The following TTC21B variants were observed in gnomAD, a reference collection of about 807,000 sequenced individuals.
The protein encoded by TTC21B is tetratricopeptide repeat domain 21B.
A neutral mutation model predicts 175.1 loss-of-function variants in TTC21B; 127 were observed. The observed-to-expected ratio is 0.73, with a 90% CI of 0.63 to 0.84. The LOEUF is 0.84. Ranked by LOEUF, TTC21B falls within the 40% of genes least tolerant of loss-of-function variation. The pLI, the probability that TTC21B is intolerant of heterozygous loss-of-function variation, is 0.00. For missense variants in TTC21B, 1,561 were observed against 1,558.3 expected, an observed-to-expected ratio of 1.00 and a Z score of -0.03; for synonymous variants, 524 against 524.5, an observed-to-expected ratio of 1.00 and a Z score of 0.01.
intron 3 of TTC21B, among the ~76,000 whole-genome samples, chr2:165,946,971 A>G (rs191028765): frequency 6.6e-6 from 1 of 151,914 alleles, no homozygotes; most frequent in African/African-American, 2.4e-5. Context: ...TATTAGGAAC[A>G]GGTCCAGTAC....
At chr2:165,905,701 A>G (rs116353099) in intron 19 of TTC21B, among the ~76,000 whole-genome samples, 2,340 of 152,300 alleles carry the variant, frequency 0.015, 22 homozygotes, top group Non-Finnish European at 0.021. Flanking sequence ...ATTACACTGA[A>G]AGACTTTAAC....
intron 11 of TTC21B, among the ~76,000 whole-genome samples, chr2:165,927,387 A>G (rs1380596432): frequency 8.3e-5 from 11 of 133,120 alleles, no homozygotes; most frequent in African/African-American, 2.8e-4. Context: ...CCTATTTTCA[A>G]GTCTTTGTTC....
intron 6 of TTC21B, among the ~76,000 whole-genome samples, chr2:165,937,346 G>A (rs184039966): frequency 1.1e-3 from 170 of 152,238 alleles, no homozygotes; most frequent in African/African-American, 3.5e-3. Context: ...GAAATATTCT[G>A]TATGATACTA....
At position 165,953,160 on chromosome 2, in the gene TTC21B, C is replaced by T. The variant is rs576003161; in HGVS notation, c.21+525G>A. On this transcript the variant is annotated intron_variant, in intron 1 of 28. Transcript: ENST00000243344. The stretch of plus-strand genomic sequence containing the variant: ...CCTCATGTCTTTAACTGTTTTATAT[C>T]AGCCTTTCTTAAGTTGACCGTCATT... Among the ~76,000 whole-genome samples, 3 of 152,294 alleles carry T rather than the reference C, an allele frequency of 2.0e-5. No individual in the cohort carries two copies. In the South Asian group the frequency reaches 6.2e-4, roughly 32 times the overall value.
At chr2:165,943,893 G>C (rs1687457122) in intron 4 of TTC21B, among the ~76,000 whole-genome samples, 1 of 152,002 alleles carries the variant, frequency 6.6e-6, no homozygotes, top group Non-Finnish European at 1.5e-5. Flanking sequence ...CTTTACACAT[G>C]TTAGTGGGCC....
Position 165,899,967 on chromosome 2 carries a change from T to C in TTC21B, c.2758-87A>G. ...TACGTGGGTACAGATTAAACTTTAG[T>C]TGACCAAAAGTCATTGCAATAAAAT... On this transcript the variant is annotated intron_variant, in intron 20 of 28. Transcript: ENST00000243344. 6 of 836,638 alleles carry C rather than the reference T, an allele frequency of 7.2e-6. No individual in the cohort carries two copies. The Admixed American group carries it at 1.1e-4, about 16-fold the overall frequency. The allele number at this position is 836,638 out of a possible 1,614,324, so 51.8% of individuals were successfully genotyped here.
chr2:165,944,444 TA>T (rs1442023242), intron 4 of TTC21B, among the ~76,000 whole-genome samples: 1 of 152,208 alleles, frequency 6.6e-6, no homozygotes, highest in Admixed American at 6.5e-5. Flanking sequence ...TGTGGGTATT[TA>T]AAAATTTTGA....
intron 12 of TTC21B, 121 bp from the exon 13 acceptor site, chr2:165,919,554 G>T: frequency 5.6e-6 from 6 of 1,067,720 alleles, no homozygotes; most frequent in Non-Finnish European, 8.4e-6. Flanking sequence ...CTTAAAGTTT[G>T]CTGTTCATAG....
In TTC21B at chr2:165,931,947, C is replaced by T; in HGVS notation, c.796-91G>A. 3 of 840,476 alleles carry T rather than the reference C, an allele frequency of 3.6e-6. No individual in the cohort carries two copies. In the South Asian group the frequency reaches 4.3e-5, roughly 12 times the overall value. The allele number at this position is 840,476 out of a possible 1,614,324, so 52.1% of individuals were successfully genotyped here. On this transcript the variant is annotated intron_variant, in intron 7 of 28. Coordinates refer to ENST00000243344, the MANE Select transcript of TTC21B (RefSeq NM_024753.5). ...TACACACTAACAAAGCATTACCCTA[C>T]TAGTATTTTAAAAGACCTTTGCTTT... is the stretch of plus-strand genomic sequence containing the variant.
intron 11 of TTC21B, chr2:165,928,854 A>G (rs1045399115): frequency 3.4e-5 from 13 of 386,068 alleles, no homozygotes; most frequent in Admixed American, 2.0e-4. Context: ...GGTAGCAAAT[A>G]TAAGGTAGGT....
intron 8 of TTC21B, among the ~76,000 whole-genome samples, chr2:165,930,732 G>GGGTGTGTGTGTGTGTGTGTGT (rs376602791): frequency 9.0e-6 from 1 of 110,832 alleles, no homozygotes; most frequent in Admixed American, 8.7e-5. Flanking sequence ...TGGGTATGGG[G>GGGTGTGTGTGTGTGTGTGTGT]GTGTGTGTGT....
At chr2:165,876,727 G>A (rs1477129611) in intron 27 of TTC21B, among the ~76,000 whole-genome samples, 5 of 152,166 alleles carry the variant, frequency 3.3e-5, no homozygotes, top group Non-Finnish European at 7.3e-5. Flanking sequence ...TAAATGTTAT[G>A]AAAGAAAGAT....
intron 6 of TTC21B, among the ~76,000 whole-genome samples, chr2:165,936,650 ACAAG>A (rs942235170): frequency 6.6e-6 from 1 of 152,066 alleles, no homozygotes; most frequent in Non-Finnish European, 1.5e-5. Context: ...CAAACACATA[ACAAG>A]CAAGATACAC....
intron 19 of TTC21B, among the ~76,000 whole-genome samples, chr2:165,905,941 A>G (rs893676889): frequency 6.6e-6 from 1 of 152,208 alleles, no homozygotes; most frequent in Non-Finnish European, 1.5e-5. Context: ...GTAGGATGTA[A>G]AGCAAGCTTC....
chr2:165,926,049 C>G (rs1460149564), intron 11 of TTC21B, among the ~76,000 whole-genome samples: 1 of 152,120 alleles, frequency 6.6e-6, no homozygotes, highest in African/African-American at 2.4e-5. Flanking sequence ...AAATTCTAAA[C>G]AAAATTATGT....
intron 1 of TTC21B, among the ~76,000 whole-genome samples, chr2:165,950,070 TA>T (rs769740344): frequency 3.6e-4 from 46 of 128,860 alleles, no homozygotes; most frequent in South Asian, 1.5e-3. Context: ...AAACAGGAAC[TA>T]AAAAAAAAAA....
At chr2:165,932,894 C>T in intron 7 of TTC21B, 79 bp downstream of exon 7, 2 of 1,226,024 alleles carry the variant, frequency 1.6e-6, no homozygotes, top group Admixed American at 1.7e-5. Context: ...AATGTATATG[C>T]ACATGCACAC....
At chr2:165,894,018 A>G (rs1251826065) in intron 22 of TTC21B, among the ~76,000 whole-genome samples, 9 of 152,188 alleles carry the variant, frequency 5.9e-5, no homozygotes, top group Admixed American at 5.9e-4. Flanking sequence ...TTTGATTTTT[A>G]GAACTGATAT....
rs774811002 is a variant in TTC21B, at chr2:165,890,956, GATCA to G, written c.2979_2982del (p.Asp994SerfsTer2). 6 of 1,612,860 alleles carry G rather than the reference GATCA, an allele frequency of 3.7e-6. No homozygotes were observed. Among genetic ancestry groups the G allele is most frequent in the Non-Finnish European group, 5.1e-6 (6 of 1,179,188 alleles). On this transcript the variant is annotated frameshift_variant, in exon 23 of 29. Transcript: ENST00000243344. LOFTEE classifies it high-confidence loss of function. ...TCGAGTTTTCCACATCTTCTTAGGA[GATCA>G]ATCAAACGAGATAATGTCATATAAT... is the stretch of plus-strand genomic sequence containing the variant.
Sources: allele counts gnomAD v4.1 joint callset (sites outside exome capture counted in the v4.1 genomes callset), GRCh38; gene constraint gnomAD v4.1.1; transcripts MANE v1.5; gene names NCBI Gene and HGNC (gene_info 2026-07-23, HGNC 2026-07-21).